The following SLC35F3 variants were observed in gnomAD, a reference collection of about 807,000 sequenced individuals.
SLC35F3 encodes the protein putative thiamine transporter SLC35F3.
In SLC35F3, 25 loss-of-function variants were observed where a neutral mutation model predicts 49.9. The ratio of observed to expected loss-of-function variants is 0.50; its 90% confidence interval spans 0.37 to 0.70. SLC35F3 has a LOEUF of 0.70. SLC35F3 is among the 30% of genes least tolerant of loss of function. The pLI is 0.00. For synonymous variants in SLC35F3, 275 were observed against 265.4 expected (o/e 1.04, Z -0.35); for missense variants, 525 against 639.8 (o/e 0.82, Z 1.94).
intron 2 of SLC35F3, among the ~76,000 whole-genome samples, chr1:233,984,070 A>C (rs917609608): frequency 2.0e-5 from 3 of 152,176 alleles, no homozygotes; most frequent in Non-Finnish European, 4.4e-5. Flanking sequence ...TTTCTCCTCT[A>C]TGCTTTCATC....
chr1:234,110,848 C>CA (rs922726509), intron 2 of SLC35F3, among the ~76,000 whole-genome samples: 1 of 152,072 alleles, frequency 6.6e-6, no homozygotes, highest in African/African-American at 2.4e-5. Flanking sequence ...TATAAAATGA[C>CA]AAAAATTTTA....
At chr1:234,028,451 C>A (rs1167639269) in intron 2 of SLC35F3, among the ~76,000 whole-genome samples, 2 of 152,180 alleles carry the variant, frequency 1.3e-5, no homozygotes, top group Non-Finnish European at 2.9e-5. Context: ...CCCGCATGGC[C>A]TCACACATCT....
At chr1:234,139,715 C>T (rs1426395433) in intron 2 of SLC35F3, among the ~76,000 whole-genome samples, 2 of 151,748 alleles carry the variant, frequency 1.3e-5, no homozygotes, top group African/African-American at 2.4e-5. Flanking sequence ...TTTGGGAGGC[C>T]GAGGTGGGCG....
At chr1:233,969,063 G>GGT (rs1553292592) in intron 2 of SLC35F3, among the ~76,000 whole-genome samples, 1 of 150,492 alleles carries the variant, frequency 6.6e-6, no homozygotes, top group Non-Finnish European at 1.5e-5. Flanking sequence ...CATATTTTGG[G>GGT]GGGGGGGACA....
chr1:234,080,679 G>A (rs1268209357), intron 2 of SLC35F3, among the ~76,000 whole-genome samples: 2 of 152,262 alleles, frequency 1.3e-5, no homozygotes, highest in East Asian at 1.9e-4. Context: ...CAAAATGTAC[G>A]ATTCCATTTA....
chr1:234,060,062 T>A (rs1664518295), intron 2 of SLC35F3, among the ~76,000 whole-genome samples: 1 of 152,202 alleles, frequency 6.6e-6, no homozygotes, highest in East Asian at 1.9e-4. Flanking sequence ...CCGTCACAGA[T>A]CCCAGTGAAA....
At chr1:234,112,993 C>G (rs2102888868) in intron 2 of SLC35F3, among the ~76,000 whole-genome samples, 1 of 151,630 alleles carries the variant, frequency 6.6e-6, no homozygotes, top group South Asian at 2.1e-4. Flanking sequence ...TCGCTCAAGC[C>G]CAGTAGTTTG....
chr1:234,106,030 C>T (rs557957668), intron 2 of SLC35F3, among the ~76,000 whole-genome samples: 14 of 152,276 alleles, frequency 9.2e-5, no homozygotes, highest in African/African-American at 3.4e-4. Context: ...GCAGACATGC[C>T]CTGTGAGTGT....
intron 2 of SLC35F3, among the ~76,000 whole-genome samples, chr1:234,044,954 A>G (rs1448364557): frequency 4.6e-5 from 7 of 152,268 alleles, no homozygotes; most frequent in Middle Eastern, 3.4e-3. Context: ...GCAATTCTTT[A>G]TATATTCTGA....
chr1:234,251,078 A>G (rs1667731364), intron 3 of SLC35F3, among the ~76,000 whole-genome samples: 1 of 152,166 alleles, frequency 6.6e-6, no homozygotes, highest in Non-Finnish European at 1.5e-5. Flanking sequence ...CAATGCCAAC[A>G]AAGTCTGAAA....
At chr1:234,169,141 A>G (rs1403587845) in intron 2 of SLC35F3, among the ~76,000 whole-genome samples, 4 of 152,202 alleles carry the variant, frequency 2.6e-5, no homozygotes, top group Admixed American at 2.6e-4. Context: ...AGAAGAGAGC[A>G]AATTTGTCCT....
At chr1:234,051,894 T>G (rs1232433977) in intron 2 of SLC35F3, among the ~76,000 whole-genome samples, 1 of 152,260 alleles carries the variant, frequency 6.6e-6, no homozygotes, top group Non-Finnish European at 1.5e-5. Context: ...TCTATTGAGA[T>G]AATCATGTGG....
intron 2 of SLC35F3, among the ~76,000 whole-genome samples, chr1:234,080,435 A>G (rs993097419): frequency 2.0e-5 from 3 of 152,220 alleles, no homozygotes; most frequent in African/African-American, 7.2e-5. Flanking sequence ...CATGCATATG[A>G]ATGTTCCTAA....
At chr1:234,135,848 G>A (rs1206743888) in intron 2 of SLC35F3, among the ~76,000 whole-genome samples, 2 of 152,228 alleles carry the variant, frequency 1.3e-5, no homozygotes, top group South Asian at 2.1e-4. Flanking sequence ...TGGGAACACC[G>A]CTGAGATCCA....
At chr1:234,294,904 G>C (rs12043400) in intron 3 of SLC35F3, among the ~76,000 whole-genome samples, 11 of 151,926 alleles carry the variant, frequency 7.2e-5, no homozygotes, top group Non-Finnish European at 8.8e-5. Context: ...AGGGTGCCTG[G>C]GGGGGGAACC....
rs146643847 is a variant in SLC35F3, at chr1:234,188,922, A to T, written c.284-42495A>T. 6.4e-3 allele frequency among the ~76,000 whole-genome samples: 982 copies of T among 152,292 alleles called. 8 individuals carry two copies. The highest frequency in any genetic ancestry group is 0.04 in the South Asian group (191 of 4,820). On this transcript the variant is annotated intron_variant, in intron 2 of 7. Coordinates refer to ENST00000366618, the MANE Select transcript of SLC35F3 (RefSeq NM_173508.4). ...GTACCAGCCCAGAGCCTGGTAGCCC[A>T]TCTGGGTGGCTAGATCCAGAAGAGA...
At chr1:233,916,211 TAA>T (rs1211383547) in intron 2 of SLC35F3, among the ~76,000 whole-genome samples, 3 of 152,378 alleles carry the variant, frequency 2.0e-5, no homozygotes, top group Non-Finnish European at 4.4e-5. Context: ...ACTTTTACTT[TAA>T]GTCGACATTT....
At chr1:234,313,590 G>T (rs1458898211) in intron 4 of SLC35F3, among the ~76,000 whole-genome samples, 2 of 152,120 alleles carry the variant, frequency 1.3e-5, no homozygotes, top group Non-Finnish European at 2.9e-5. Flanking sequence ...GGATTGTTCC[G>T]TGGGGAGCAT....
chr1:234,094,842 C>CA (rs1423864094), intron 2 of SLC35F3, among the ~76,000 whole-genome samples: 1 of 152,158 alleles, frequency 6.6e-6, no homozygotes, highest in African/African-American at 2.4e-5. Flanking sequence ...CAGGAGAGAT[C>CA]AATGGTTCAG....
Sources: allele counts gnomAD v4.1 joint callset (sites outside exome capture counted in the v4.1 genomes callset), GRCh38; gene constraint gnomAD v4.1.1; transcripts MANE v1.5; gene names NCBI Gene and HGNC (gene_info 2026-07-23, HGNC 2026-07-21).